The following CTNNA3 variants were observed in gnomAD, a reference collection of about 807,000 sequenced individuals.
CTNNA3 encodes catenin alpha 3.
In CTNNA3, 76 loss-of-function variants were observed where a neutral mutation model predicts 95.7. The observed-to-expected ratio is 0.79, with a 90% confidence interval of 0.66 to 0.96. CTNNA3 has a LOEUF of 0.96. Ranked by LOEUF, CTNNA3 falls within the 40% of genes least tolerant of loss-of-function variation. The pLI is 0.00. For synonymous variants in CTNNA3, 431 were observed against 374.4 expected (o/e 1.15, Z -1.74); for missense variants, 1,191 against 1,089.8 (o/e 1.09, Z -1.31).
At chr10:66,878,201 T>C (rs2132459563) in intron 7 of CTNNA3, among the ~76,000 whole-genome samples, 1 of 152,296 alleles carries the variant, frequency 6.6e-6, no homozygotes, top group East Asian at 1.9e-4. Context: ...CACATTTTTC[T>C]CTGTATACTT....
chr10:67,021,912 G>A (rs1589616140), intron 7 of CTNNA3, among the ~76,000 whole-genome samples: 1 of 152,154 alleles, frequency 6.6e-6, no homozygotes, highest in East Asian at 1.9e-4. Context: ...CAGACTTAGA[G>A]GCTGAGAGCC....
chr10:67,106,254 G>A (rs1177223160), intron 7 of CTNNA3, among the ~76,000 whole-genome samples: 1 of 152,016 alleles, frequency 6.6e-6, no homozygotes, highest in East Asian at 1.9e-4. Context: ...TGTAGTTTGG[G>A]GCCACTTCTT....
At chr10:66,416,998 T>C (rs1288758042) in intron 11 of CTNNA3, among the ~76,000 whole-genome samples, 3 of 151,802 alleles carry the variant, frequency 2.0e-5, no homozygotes, top group Non-Finnish European at 4.4e-5. Flanking sequence ...AAACCAACCA[T>C]AAAACAATTA....
intron 11 of CTNNA3, among the ~76,000 whole-genome samples, chr10:66,461,814 AT>A (rs35888450): frequency 0.12 from 16,852 of 140,028 alleles, 1,236 homozygotes; most frequent in East Asian, 0.34. Context: ...TATATCTCCA[AT>A]TTTTTTTTTT....
chr10:67,660,797 G>A (rs911662456), intron 1 of CTNNA3, among the ~76,000 whole-genome samples: 5 of 152,010 alleles, frequency 3.3e-5, no homozygotes, highest in Admixed American at 6.5e-5. Context: ...CAGGCATGGT[G>A]GTGGGTGCCT....
intron 1 of CTNNA3, among the ~76,000 whole-genome samples, chr10:67,724,752 G>A (rs904739233): frequency 2.0e-5 from 3 of 152,080 alleles, no homozygotes; most frequent in South Asian, 2.1e-4. Context: ...CAAGTTTTAC[G>A]GCCCGAATCA....
At chr10:66,881,125 A>G (rs1844835032) in intron 7 of CTNNA3, among the ~76,000 whole-genome samples, 1 of 152,082 alleles carries the variant, frequency 6.6e-6, no homozygotes, top group African/African-American at 2.4e-5. Flanking sequence ...GCCCAATTCC[A>G]GTACCCATGG....
chr10:66,397,408 C>T (rs942972132), intron 11 of CTNNA3, among the ~76,000 whole-genome samples: 1 of 151,704 alleles, frequency 6.6e-6, no homozygotes, highest in African/African-American at 2.4e-5. Context: ...ATCCTTAGTT[C>T]TTCCAGTATT....
At chr10:66,978,553 A>ATATATG (rs1263516780) in intron 7 of CTNNA3, among the ~76,000 whole-genome samples, 13 of 15,310 alleles carry the variant, frequency 8.5e-4, no homozygotes, top group African/African-American at 2.0e-3. Context: ...AAAAAAAAAA[A>ATATATG]TATATATATA....
At chr10:66,910,622 T>C (rs917651592) in intron 7 of CTNNA3, among the ~76,000 whole-genome samples, 2 of 152,156 alleles carry the variant, frequency 1.3e-5, no homozygotes, top group African/African-American at 4.8e-5. Flanking sequence ...GCATTGAAGA[T>C]AACATGTAAA....
intron 11 of CTNNA3, among the ~76,000 whole-genome samples, chr10:66,395,668 T>C (rs896127205): frequency 2.0e-5 from 3 of 152,036 alleles, no homozygotes; most frequent in Admixed American, 6.6e-5. Context: ...CAAAGCTTTC[T>C]AGAAGATTCT....
intron 5 of CTNNA3, among the ~76,000 whole-genome samples, chr10:67,415,814 ACAGGTTAGAGAACC>A (rs1320675502): frequency 6.6e-6 from 1 of 152,202 alleles, no homozygotes; most frequent in African/African-American, 2.4e-5. Flanking sequence ...GACCAATTGA[ACAGGTTAGAGAACC>A]CAGAAATAAA....
chr10:66,460,659 A>G (rs2093523485), intron 11 of CTNNA3, among the ~76,000 whole-genome samples: 1 of 152,124 alleles, frequency 6.6e-6, no homozygotes, highest in Non-Finnish European at 1.5e-5. Context: ...GCGACTGAGC[A>G]TTAGGACTTT....
intron 16 of CTNNA3, among the ~76,000 whole-genome samples, chr10:65,980,215 G>A (rs566722188): frequency 6.6e-6 from 1 of 151,880 alleles, no homozygotes; most frequent in Non-Finnish European, 1.5e-5. Context: ...ACATAAACTA[G>A]AAAACCTAGA....
rs59117038 is a variant in CTNNA3 at position 66,647,511 on chromosome 10, C to CTTTT, written c.1282-25731_1282-25728dup. 3.4e-5 allele frequency among the ~76,000 whole-genome samples: 5 copies of CTTTT among 146,484 alleles called. 1 individual carries two copies. The highest frequency in any genetic ancestry group is 3.0e-5 in the Non-Finnish European group (2 of 66,736). ...GAGATAGAGAGTTATAAAAATTACTCTTTTTTTTTTTTTTCTTGAGACAGA... is the reference window on the plus strand; with the variant it reads ...GAGATAGAGAGTTATAAAAATTACTCTTTTTTTTTTTTTTTTTTCTTGAGACAGA... On this transcript the variant is annotated intron_variant, in intron 9 of 17. Coordinates refer to ENST00000433211, the MANE Select transcript of CTNNA3 (RefSeq NM_013266.4).
At chr10:66,947,497 G>A (rs1018317089) in intron 7 of CTNNA3, among the ~76,000 whole-genome samples, 4 of 152,030 alleles carry the variant, frequency 2.6e-5, no homozygotes, top group Non-Finnish European at 5.9e-5. Context: ...TTAAGCAACT[G>A]AGCCTGCCCT....
intron 7 of CTNNA3, among the ~76,000 whole-genome samples, chr10:67,043,672 C>T (rs1433667710): frequency 6.6e-6 from 1 of 152,014 alleles, no homozygotes. Context: ...GTAATGCCTA[C>T]CCTTTAATCT....
chr10:66,858,794 T>C (rs1373010398), intron 7 of CTNNA3, among the ~76,000 whole-genome samples: 2 of 151,916 alleles, frequency 1.3e-5, no homozygotes, highest in Admixed American at 6.6e-5. Context: ...TTTATTAGTA[T>C]AGCTAGTGGC....
chr10:66,955,014 G>C (rs1161061294), intron 7 of CTNNA3, among the ~76,000 whole-genome samples: 1 of 152,102 alleles, frequency 6.6e-6, no homozygotes, highest in Non-Finnish European at 1.5e-5. Context: ...GAAAACATTG[G>C]AGCACATTAA....
Sources: allele counts gnomAD v4.1 joint callset (sites outside exome capture counted in the v4.1 genomes callset), GRCh38; gene constraint gnomAD v4.1.1; transcripts MANE v1.5; gene names NCBI Gene and HGNC (gene_info 2026-07-23, HGNC 2026-07-21).